EML1: variants seen among roughly 807,000 people sequenced by gnomAD.
The protein encoded by EML1 is EMAP like 1.
A neutral mutation model predicts 110.4 loss-of-function variants in EML1; 27 were observed. The ratio of observed to expected loss-of-function variants is 0.24; its 90% CI spans 0.18 to 0.34. The LOEUF (loss-of-function observed/expected upper bound fraction) is 0.34. Among genes scored for constraint, EML1 ranks in the 10% least tolerant of loss-of-function variants. EML1 has a pLI of 1.00. For missense variants in EML1, 741 were observed against 1,030.9 expected, an observed-to-expected ratio of 0.72 and a Z score of 3.85; for synonymous variants, 344 against 385.8, an observed-to-expected ratio of 0.89 and a Z score of 1.27.
At position 99,806,319 on chromosome 14, in the gene EML1, T is replaced by C. The variant is rs1467907845; in HGVS notation, c.67+12776T>C. ...TTTGGTATCCGATCTCCAGAATCTTTTTTTTTTTTTTTTTTTTTTTTGAGA... is the reference window on the plus strand; with the variant it reads ...TTTGGTATCCGATCTCCAGAATCTTCTTTTTTTTTTTTTTTTTTTTTGAGA... On this transcript the variant is annotated intron_variant, in intron 1 of 21. Transcript: ENST00000262233. Among the ~76,000 whole-genome samples the C allele has an allele frequency of 3.3e-5, 4 of 121,346 alleles. No homozygotes were observed. The East Asian group carries it at 8.2e-4, about 25-fold the overall frequency. 79.6% of individuals were successfully genotyped at this position (121,346 alleles called of 152,430 possible).
intron 1 of EML1, among the ~76,000 whole-genome samples, chr14:99,803,396 A>G (rs986474292): frequency 6.6e-6 from 1 of 152,356 alleles, no homozygotes. Flanking sequence ...CGTGCATTAT[A>G]CACACATGCA....
At chr14:99,908,666 G>A (rs2059895961) in intron 10 of EML1, among the ~76,000 whole-genome samples, 1 of 152,180 alleles carries the variant, frequency 6.6e-6, no homozygotes, top group South Asian at 2.1e-4. Flanking sequence ...AGTAGGCCAG[G>A]GTGCGGGTCT....
chr14:99,793,436 G>T lies in EML1; in HGVS notation c.-41G>T. 1 of 1,033,028 alleles carries T rather than the reference G, an allele frequency of 9.7e-7. No individual in the cohort carries two copies. Among genetic ancestry groups the T allele is most frequent in the Non-Finnish European group, 1.2e-6 (1 of 860,764 alleles). The allele number at this position is 1,033,028 out of a possible 1,614,324, so 64.0% of individuals were successfully genotyped here. On this transcript the variant is annotated 5_prime_UTR_variant, in exon 1 of 22. Transcript: ENST00000262233. ...TCAGTGTGTGGTGAGCGGCGGCGGC[G>T]CGGCCGGGCCGGGGAGCGGGCGCGG...
chr14:99,898,112 T>A, intron 7 of EML1, 121 bp from the exon 8 acceptor site: 1 of 683,178 alleles, frequency 1.5e-6, no homozygotes, highest in Non-Finnish European at 2.2e-6. Flanking sequence ...GTCATGAGTC[T>A]GTAAGAAGTT....
chr14:99,929,221 G>A (rs1399270192), intron 17 of EML1, among the ~76,000 whole-genome samples: 1 of 152,228 alleles, frequency 6.6e-6, no homozygotes, highest in Non-Finnish European at 1.5e-5. Context: ...AAAGCCCTAA[G>A]CCAGGGCCGG....
intron 3 of EML1, among the ~76,000 whole-genome samples, chr14:99,866,471 G>A (rs1319790111): frequency 6.6e-6 from 1 of 150,916 alleles, no homozygotes; most frequent in East Asian, 2.0e-4. Context: ...TTGGGAGGCT[G>A]AGGCAGGAGA....
At chr14:99,769,124 C>T (rs748427754), upstream of EML1, among the ~76,000 whole-genome samples, 37 of 152,166 alleles carry the variant, frequency 2.4e-4, no homozygotes, top group Non-Finnish European at 5.1e-4. Flanking sequence ...CTACAGACCC[C>T]TCTACCTAGT....
intron 2 of EML1, among the ~76,000 whole-genome samples, chr14:99,859,660 C>G (rs1199002113): frequency 1.3e-5 from 2 of 152,130 alleles, no homozygotes; most frequent in Non-Finnish European, 1.5e-5. Context: ...CACTACCTCC[C>G]CCACTCTGCC....
intron 17 of EML1, among the ~76,000 whole-genome samples, chr14:99,921,360 G>A (rs373019113): frequency 2.2e-4 from 34 of 152,172 alleles, no homozygotes; most frequent in African/African-American, 6.7e-4. Context: ...CTTTGCTATT[G>A]TATTCACTAC....
At chr14:99,909,606 CA>C in intron 11 of EML1, 127 bp downstream of exon 11, 1 of 1,234,364 alleles carries the variant, frequency 8.1e-7, no homozygotes, top group East Asian at 2.4e-5. Context: ...GGAAGCGTGT[CA>C]CACCTGGTAG....
In EML1 at chr14:99,823,406, G is replaced by C. The variant is rs147574340; in HGVS notation, c.68-27447G>C. Among the ~76,000 whole-genome samples the C allele has an allele frequency of 3.5e-3, 533 of 152,092 alleles. 2 individuals are homozygous for C. The highest frequency in any genetic ancestry group is 0.012 in the African/African-American group (516 of 41,490). On this transcript the variant is annotated intron_variant, in intron 1 of 21. Coordinates refer to ENST00000262233, the MANE Select transcript of EML1 (RefSeq NM_004434.3). ...TGCAGTGTTGCAGGAGGGTCACCAG[G>C]CTTAGTGTGATGAGGCCTGGATTAC...
intron 1 of EML1, among the ~76,000 whole-genome samples, chr14:99,816,080 A>T (rs982146966): frequency 2.0e-5 from 3 of 152,182 alleles, no homozygotes; most frequent in Non-Finnish European, 2.9e-5. Flanking sequence ...ATTGATGTCA[A>T]ATGTTGTCAG....
intron 1 of EML1, among the ~76,000 whole-genome samples, chr14:99,778,076 A>G (rs2057502486): frequency 6.6e-6 from 1 of 152,172 alleles, no homozygotes; most frequent in African/African-American, 2.4e-5. Context: ...TGAGTCACCA[A>G]TTTGCAAGGC....
chr14:99,899,784 C>T (rs976402209), intron 8 of EML1, among the ~76,000 whole-genome samples: 13 of 151,716 alleles, frequency 8.6e-5, no homozygotes, highest in African/African-American at 2.9e-4. Context: ...TTTGTTCCTC[C>T]CTCTAGTGGC....
At chr14:99,764,586 G>T (rs970328174) in intron 1 of EML1, among the ~76,000 whole-genome samples, 1 of 152,256 alleles carries the variant, frequency 6.6e-6, no homozygotes, top group Non-Finnish European at 1.5e-5. Flanking sequence ...GAGCATGCAG[G>T]TTGGCGAACA....
At position 99,936,868 on chromosome 14, in the gene EML1, A is replaced by G. The variant is rs1162947745; in HGVS notation, c.2095+534A>G. 6.6e-6 allele frequency among the ~76,000 whole-genome samples: 1 copy of G among 152,136 alleles called. No homozygotes were observed. Among genetic ancestry groups the G allele is most frequent in the Non-Finnish European group, 1.5e-5 (1 of 68,008 alleles). On this transcript the variant is annotated intron_variant, in intron 19 of 21. Transcript: ENST00000262233. The surrounding 1 kb of genome is among the most constrained non-coding windows in gnomAD (Gnocchi z 5.5). Reference sequence around the variant, plus strand: ...GGCGGGCACTTACAAGCACATCCTCATGCCACGCACTGGTTCCTTAGACAC... The same window carrying G: ...GGCGGGCACTTACAAGCACATCCTCGTGCCACGCACTGGTTCCTTAGACAC...
chr14:99,875,937 C>T (rs533478331), intron 3 of EML1, among the ~76,000 whole-genome samples: 20 of 152,322 alleles, frequency 1.3e-4, no homozygotes, highest in Non-Finnish European at 2.2e-4. Flanking sequence ...AAGATTCTGG[C>T]ACTGTCCACT....
intron 1 of EML1, among the ~76,000 whole-genome samples, chr14:99,776,731 T>A (rs1246102728): frequency 6.6e-6 from 1 of 152,172 alleles, no homozygotes; most frequent in Non-Finnish European, 1.5e-5. Context: ...TCCCCTCTTC[T>A]CAAATGGTGA....
At chr14:99,890,795 A>G (rs1766729956) in intron 4 of EML1, among the ~76,000 whole-genome samples, 1 of 152,240 alleles carries the variant, frequency 6.6e-6, no homozygotes, top group African/African-American at 2.4e-5. Context: ...AGGCCTCACC[A>G]AAAGATCTTT....
Sources: gnomAD v4.1 joint callset for allele counts (sites outside exome capture counted in the v4.1 genomes callset) on GRCh38, gnomAD v4.1.1 for gene constraint, Gnocchi (gnomAD v3.1) non-coding constraint, MANE v1.5 for transcripts, NCBI Gene and HGNC (gene_info 2026-07-23, HGNC 2026-07-21) for gene names.